FAAH2: variants seen among roughly 807,000 people sequenced by gnomAD.
FAAH2 encodes the protein fatty-acid amide hydrolase 2.
In FAAH2, 60 loss-of-function variants were observed where a neutral mutation model predicts 36.9. That is an observed-to-expected ratio of 1.63 (90% CI 1.32 to 2.02). FAAH2 has a LOEUF of 2.02. Ranked by LOEUF, FAAH2 falls within the 30% of genes most tolerant of loss-of-function variation. The pLI is 0.00. For synonymous variants in FAAH2, 214 were observed against 143.8 expected, an observed-to-expected ratio of 1.49 and a Z score of -3.49; for missense variants, 689 against 397.5, an observed-to-expected ratio of 1.73 and a Z score of -6.23.
In FAAH2 at chrX:57,393,532, T is replaced by A. The variant is rs983395528; in HGVS notation, c.996+12503T>A. The A allele has an allele frequency of 1.8e-5, 17 of 951,515 alleles. No homozygotes were observed. In the African/African-American group the frequency reaches 3.1e-4, roughly 17 times the overall value. The allele number at this position is 951,515 out of a possible 1,213,427, so 78.4% of individuals were successfully genotyped here. A position where few individuals can be genotyped will look rare whatever the true frequency, so the allele number is the denominator to read the frequency against. On this transcript the variant is annotated intron_variant, in intron 7 of 10. Coordinates refer to ENST00000374900, the MANE Select transcript of FAAH2 (RefSeq NM_174912.4). ...AATTGCCGTGTGCGATGATGGCAAA[T>A]GGGCCTGCATGGACAAACACTGGAG...
rs1602201231 is a variant in FAAH2, at chrX:57,300,495, C to A, written c.275+7915C>A. Among the ~76,000 whole-genome samples the A allele has an allele frequency of 5.4e-5, 6 of 111,905 alleles. No individual in the cohort carries two copies. The Admixed American group carries it at 5.7e-4, about 11-fold the overall frequency. On this transcript the variant is annotated intron_variant, in intron 2 of 10. Coordinates refer to ENST00000374900, the MANE Select transcript of FAAH2 (RefSeq NM_174912.4). ...AAAGACTTACATGTCAGACCTAAAA[C>A]CATAAAAACCCTAGAAGAAAACCTG...
At chrX:57,183,579 T>C in the FAAH2 span, among the ~76,000 whole-genome samples, 1 of 111,371 alleles carries the variant, frequency 9.0e-6, no homozygotes, top group African/African-American at 3.3e-5. Flanking sequence ...TATTTATCAG[T>C]TCCCAAATAA....
At chrX:57,373,443 A>T (rs1215242801) in intron 5 of FAAH2, among the ~76,000 whole-genome samples, 1 of 106,722 alleles carries the variant, frequency 9.4e-6, no homozygotes, top group Admixed American at 1.0e-4. Flanking sequence ...GTGGTATTGT[A>T]TTGTGGTTTT....
chrX:57,439,480 C>T (rs1418597228), intron 8 of FAAH2, among the ~76,000 whole-genome samples: 2 of 110,885 alleles, frequency 1.8e-5, no homozygotes, highest in African/African-American at 3.3e-5. Flanking sequence ...TTGTTGGAGT[C>T]CATTGTAGAT....
At chrX:57,237,461 C>G in the FAAH2 span, among the ~76,000 whole-genome samples, 5 of 110,722 alleles carry the variant, frequency 4.5e-5, no homozygotes, top group Non-Finnish European at 7.6e-5. Flanking sequence ...CAATTTTATA[C>G]TATATATACT....
At chrX:57,403,123 A>G (rs2055479733) in intron 7 of FAAH2, among the ~76,000 whole-genome samples, 1 of 111,797 alleles carries the variant, frequency 8.9e-6, no homozygotes, top group Admixed American at 9.5e-5. Context: ...AGGCACATGC[A>G]CTCTGACTGG....
chrX:57,422,670 C>T (rs766374902), intron 7 of FAAH2, among the ~76,000 whole-genome samples: 1 of 111,542 alleles, frequency 9.0e-6, no homozygotes, highest in South Asian at 3.8e-4. Context: ...CTCTTCTGCT[C>T]CAGGAGGCCC....
At chrX:57,151,548 G>C in the FAAH2 span, among the ~76,000 whole-genome samples, 3 of 111,207 alleles carry the variant, frequency 2.7e-5, no homozygotes, top group Admixed American at 9.5e-5. Context: ...TCCAGTGATC[G>C]CATCGGCTCC....
chrX:57,347,900 T>C (rs2053873008), intron 5 of FAAH2, among the ~76,000 whole-genome samples: 1 of 110,171 alleles, frequency 9.1e-6, no homozygotes. Flanking sequence ...ATAATGGTAA[T>C]GGCTGGTAGA....
the FAAH2 span, among the ~76,000 whole-genome samples, chrX:57,161,053 T>A: frequency 8.9e-6 from 1 of 112,252 alleles, no homozygotes; most frequent in Admixed American, 9.4e-5. Flanking sequence ...GATTCTGGTA[T>A]GTTGTGTCTT....
chrX:57,158,957 T>C, the FAAH2 span, among the ~76,000 whole-genome samples: 2 of 112,652 alleles, frequency 1.8e-5, no homozygotes, highest in Non-Finnish European at 1.9e-5. Context: ...GGTTTTCTTC[T>C]AGGATTTTTA....
the FAAH2 span, among the ~76,000 whole-genome samples, chrX:57,177,750 T>C: frequency 9.5e-6 from 1 of 104,985 alleles, no homozygotes; most frequent in South Asian, 4.4e-4. Flanking sequence ...AAAAGAAGTC[T>C]ACTTCTTCAG....
At chrX:57,271,563 G>A in the FAAH2 span, among the ~76,000 whole-genome samples, 3 of 112,361 alleles carry the variant, frequency 2.7e-5, no homozygotes, top group Non-Finnish European at 3.8e-5. Context: ...ACTTCCAGAG[G>A]AAAGAACAGA....
chrX:57,210,073 C>A, the FAAH2 span, among the ~76,000 whole-genome samples: 6 of 110,947 alleles, frequency 5.4e-5, no homozygotes, highest in African/African-American at 2.0e-4. Context: ...AGGGATACAA[C>A]TCTTCGTTCC....
rs1470800336 is a variant in FAAH2, at chrX:57,438,023, A to C, written c.1116+5986A>C. Among the ~76,000 whole-genome samples, 6 of 104,349 alleles carry C rather than the reference A, an allele frequency of 5.7e-5. No homozygotes were observed. The East Asian group carries it at 9.1e-4, about 16-fold the overall frequency. 90.6% of individuals were successfully genotyped at this position (104,349 alleles called of 115,157 possible). A position where few individuals can be genotyped will look rare whatever the true frequency, so the allele number is the denominator to read the frequency against. ...TACGTATATGTATACACATATGTACATATATACATATGTATATATATACAC... is the reference window on the plus strand; with the variant it reads ...TACGTATATGTATACACATATGTACCTATATACATATGTATATATATACAC... On this transcript the variant is annotated intron_variant, in intron 8 of 10. Transcript: ENST00000374900.
At chrX:57,438,208 T>C (rs1019853154) in intron 8 of FAAH2, among the ~76,000 whole-genome samples, 14 of 99,681 alleles carry the variant, frequency 1.4e-4, no homozygotes, top group African/African-American at 4.7e-4. Flanking sequence ...TATATCTATA[T>C]CACTATATAT....
the FAAH2 span, among the ~76,000 whole-genome samples, chrX:57,177,024 T>C: frequency 9.1e-6 from 1 of 110,320 alleles, no homozygotes; most frequent in East Asian, 2.9e-4. Context: ...AAAAAAAAAA[T>C]CCCCAGTATT....
chrX:57,255,949 TA>T, the FAAH2 span, among the ~76,000 whole-genome samples: 1 of 111,593 alleles, frequency 9.0e-6, no homozygotes, highest in Non-Finnish European at 1.9e-5. Context: ...GAGAAAGCAA[TA>T]AAGGGTATCC....
chrX:57,448,530 C>T lies in FAAH2; in HGVS notation c.1235C>T (p.Ala412Val). The T allele has an allele frequency of 8.3e-7, 1 of 1,208,500 alleles. No homozygotes were observed. Among genetic ancestry groups the T allele is most frequent in the Non-Finnish European group, 1.1e-6 (1 of 893,929 alleles). ...SVYTIPSIGL[A>V]LLEEKLRYSN... ...ATATGATATCATTCTGTAGGACTGG[C>T]TTTGTTGGAAGAAAAGCTCAGATAT... The change falls in exon 10 of 11, where the codon GCT (alanine) becomes GTT (valine). Residue 412 changes from alanine (A) to valine (V), a missense_variant. Physicochemically the swap from Ala to Val is moderately conservative, Grantham distance 64. Transcript: ENST00000374900.
Sources: gnomAD v4.1 joint callset for allele counts (sites outside exome capture counted in the v4.1 genomes callset) on GRCh38, gnomAD v4.1.1 for gene constraint, MANE v1.5 for transcripts, NCBI Gene and HGNC (gene_info 2026-07-23, HGNC 2026-07-21) for gene names.